The following ARHGEF12 variants were observed in gnomAD, a reference collection of about 807,000 sequenced individuals.
ARHGEF12 encodes Rho guanine nucleotide exchange factor 12, also known as KMT2A/ARHGEF12 fusion protein.
ARHGEF12 carries 66 observed loss-of-function variants against 211.2 expected under a neutral mutation model. The ratio of observed to expected loss-of-function variants is 0.31; its 90% CI spans 0.26 to 0.38. The LOEUF (loss-of-function observed/expected upper bound fraction) is 0.38, where lower values mean the gene tolerates loss of function less well. Ranked by LOEUF, ARHGEF12 falls within the 10% of genes least tolerant of loss-of-function variation. ARHGEF12 has a pLI of 1.00. For synonymous variants in ARHGEF12, 592 were observed against 638.4 expected (o/e 0.93, Z 1.09); for missense variants, 1,429 against 1,869.5 (o/e 0.76, Z 4.34).
intron 1 of ARHGEF12, 191 bp downstream of exon 1, chr11:120,337,466 T>C (rs1942386682): frequency 1.0e-6 from 1 of 985,286 alleles, no homozygotes; most frequent in African/African-American, 1.7e-5. Context: ...AATGTAATTT[T>C]TCCGGAGAGA....
chr11:120,374,368 G>A (rs940765953), intron 1 of ARHGEF12, among the ~76,000 whole-genome samples: 7 of 152,118 alleles, frequency 4.6e-5, no homozygotes, highest in East Asian at 1.9e-4. Context: ...CAGAAGAAAC[G>A]TTCATTCATT....
intron 30 of ARHGEF12, among the ~76,000 whole-genome samples, chr11:120,471,407 C>T (rs529287123): frequency 1.6e-4 from 24 of 152,248 alleles, no homozygotes; most frequent in African/African-American, 5.8e-4. Context: ...AGAGACCAAA[C>T]TATTCTATGG....
In ARHGEF12 at chr11:120,422,811, A is replaced by G. The variant is rs143687481; in HGVS notation, c.348+959A>G. On this transcript the variant is annotated intron_variant, in intron 6 of 40. Coordinates refer to ENST00000397843, the MANE Select transcript of ARHGEF12 (RefSeq NM_015313.3). ...TATGTGTATGTATGAGAAGAGATGT[A>G]TATGACTCTAATCTAGATATAGACC... 1.3e-4 allele frequency among the ~76,000 whole-genome samples: 20 copies of G among 152,332 alleles called. No individual in the cohort carries two copies. The East Asian group carries it at 2.9e-3, about 22-fold the overall frequency.
Position 120,409,412 on chromosome 11 carries a change from C to CA in ARHGEF12, c.164dup (p.Ser56ValfsTer2). ...TGTGCAGATAGCTCCTCCAAGAAGA[C>CA]AAAGTCTAGTTCAGAGGAGAGTAGA... On this transcript the variant is annotated frameshift_variant, in exon 4 of 41. Transcript: ENST00000397843. LOFTEE classifies it high-confidence loss of function. The CA allele has an allele frequency of 6.2e-7, 1 of 1,613,852 alleles. No individual in the cohort carries two copies. Among genetic ancestry groups the CA allele is most frequent in the Non-Finnish European group, 8.5e-7 (1 of 1,179,876 alleles).
chr11:120,448,124 G>A, intron 19 of ARHGEF12, 110 bp from the exon 20 acceptor site: 1 of 870,634 alleles, frequency 1.1e-6, no homozygotes, highest in Non-Finnish European at 1.8e-6. Flanking sequence ...GTGTTTGTTT[G>A]ATTTATTTCA....
intron 22 of ARHGEF12, among the ~76,000 whole-genome samples, chr11:120,455,553 T>C (rs544120088): frequency 6.6e-6 from 1 of 152,324 alleles, no homozygotes; most frequent in East Asian, 1.9e-4. Flanking sequence ...TTAACTGGAA[T>C]GTACCTTTCC....
intron 1 of ARHGEF12, among the ~76,000 whole-genome samples, chr11:120,364,557 A>T (rs927626798): frequency 1.3e-5 from 2 of 152,216 alleles, no homozygotes. Context: ...AGAGGAACCA[A>T]TGTAAGTCTG....
At chr11:120,421,946 A>G (rs1318060776) in intron 6 of ARHGEF12, 94 bp downstream of exon 6, 4 of 927,838 alleles carry the variant, frequency 4.3e-6, no homozygotes, top group Admixed American at 2.2e-5. Flanking sequence ...TTTTATAAAA[A>G]GCATCATACT....
rs777826563 is a variant in ARHGEF12, at chr11:120,420,901, A to G, written c.298+50A>G. The stretch of plus-strand genomic sequence containing the variant: ...ATCACTCAGTAAACAGAGTAAGAAT[A>G]GAAAAGCTTAAATAATGGCAATTGC... On this transcript the variant is annotated intron_variant, in intron 5 of 40. Coordinates refer to ENST00000397843, the MANE Select transcript of ARHGEF12 (RefSeq NM_015313.3). The G allele has an allele frequency of 4.0e-6, 6 of 1,497,696 alleles. No individual in the cohort carries two copies. In the Admixed American group the frequency reaches 8.7e-5, roughly 22 times the overall value. 92.8% of individuals were successfully genotyped at this position (1,497,696 alleles called of 1,614,324 possible).
At chr11:120,355,417 A>G (rs1286682558) in intron 1 of ARHGEF12, among the ~76,000 whole-genome samples, 1 of 152,212 alleles carries the variant, frequency 6.6e-6, no homozygotes, top group Non-Finnish European at 1.5e-5. Flanking sequence ...TATATACATC[A>G]TATTTAATAG....
intron 37 of ARHGEF12, among the ~76,000 whole-genome samples, chr11:120,478,940 T>C (rs955675868): frequency 2.0e-5 from 3 of 152,228 alleles, no homozygotes; most frequent in Admixed American, 6.5e-5. Flanking sequence ...TATTTAGAGA[T>C]AATTTCATTA....
intron 26 of ARHGEF12, among the ~76,000 whole-genome samples, chr11:120,460,232 C>G (rs969635290): frequency 2.6e-5 from 4 of 152,076 alleles, no homozygotes; most frequent in African/African-American, 9.7e-5. Context: ...AAATTGATGC[C>G]TTTTATTCCT....
At chr11:120,475,851 T>C (rs1947013332) in intron 33 of ARHGEF12, 1 of 176,032 alleles carries the variant, frequency 5.7e-6, no homozygotes, top group African/African-American at 2.3e-5. Context: ...AAGAGACGGA[T>C]GTAGTGTTGA....
intron 1 of ARHGEF12, among the ~76,000 whole-genome samples, chr11:120,402,845 G>A (rs562948988): frequency 7.0e-4 from 107 of 152,256 alleles, no homozygotes; most frequent in Middle Eastern, 3.4e-3. Context: ...AATATGTGAC[G>A]ACACAAAACT....
rs576934461 is a variant in ARHGEF12 at position 120,407,899 on chromosome 11, A to G, written c.142+76A>G. 1,145 of 1,228,312 alleles carry G rather than the reference A, an allele frequency of 9.3e-4. 13 individuals are homozygous for G. The South Asian group carries it at 0.013, about 14-fold the overall frequency. 76.1% of individuals were successfully genotyped at this position (1,228,312 alleles called of 1,614,324 possible). ...AATAATAGAGCTTAAGCTACCCGAA[A>G]CACTCAGGAATAGTTGTTTGATCTG... On this transcript the variant is annotated intron_variant, in intron 3 of 40. Coordinates refer to ENST00000397843, the MANE Select transcript of ARHGEF12 (RefSeq NM_015313.3).
At chr11:120,374,936 A>C (rs2135425549) in intron 1 of ARHGEF12, among the ~76,000 whole-genome samples, 1 of 152,288 alleles carries the variant, frequency 6.6e-6, no homozygotes, top group East Asian at 1.9e-4. Context: ...ATCAACTCTC[A>C]GAAGGGTATA....
intron 1 of ARHGEF12, among the ~76,000 whole-genome samples, chr11:120,362,491 G>A (rs1241990090): frequency 1.3e-5 from 2 of 152,016 alleles, no homozygotes; most frequent in African/African-American, 4.8e-5. Context: ...TACTTGAATT[G>A]GAATTAGATG....
At chr11:120,421,454 T>TTTTTTC (rs1945187118) in intron 5 of ARHGEF12, among the ~76,000 whole-genome samples, 1 of 144,034 alleles carries the variant, frequency 6.9e-6, no homozygotes, top group South Asian at 2.3e-4. Context: ...TTTTTTTTTT[T>TTTTTTC]TGGAGATGGA....
At chr11:120,440,044 T>G (rs1025074217) in intron 12 of ARHGEF12, 85 bp from the exon 13 acceptor site, 2 of 908,942 alleles carry the variant, frequency 2.2e-6, no homozygotes, top group African/African-American at 1.7e-5. Context: ...AAGTGAACCA[T>G]GTCTTTTTGA....
Sources: gnomAD v4.1 joint callset for allele counts (sites outside exome capture counted in the v4.1 genomes callset) on GRCh38, gnomAD v4.1.1 for gene constraint, MANE v1.5 for transcripts, NCBI Gene and HGNC (gene_info 2026-07-23, HGNC 2026-07-21) for gene names.